The following PDE1C variants were observed in gnomAD, a reference collection of about 807,000 sequenced individuals.
The protein encoded by PDE1C is dual specificity calcium/calmodulin-dependent 3',5'-cyclic nucleotide phosphodiesterase 1C.
PDE1C carries 62 observed loss-of-function variants against 93.1 expected under a neutral mutation model. The observed-to-expected ratio is 0.67, with a 90% confidence interval of 0.54 to 0.82. The LOEUF (loss-of-function observed/expected upper bound fraction) is 0.82. PDE1C is among the 40% of genes least tolerant of loss of function. The probability of loss-of-function intolerance (pLI) is 0.00; values close to 1 mark genes in which losing one functional copy is unlikely to be tolerated. For missense variants in PDE1C, 742 were observed against 884.6 expected (o/e 0.84, Z 2.04); for synonymous variants, 325 against 310.1 (o/e 1.05, Z -0.50).
At chr7:31,832,627 T>G (rs187293977) in intron 11 of PDE1C, among the ~76,000 whole-genome samples, 1 of 152,328 alleles carries the variant, frequency 6.6e-6, no homozygotes, top group East Asian at 1.9e-4. Flanking sequence ...TTACTTACTA[T>G]AGCTTATGGC....
At chr7:32,071,921 G>A (rs1478906280), upstream of PDE1C, among the ~76,000 whole-genome samples, 1 of 152,070 alleles carries the variant, frequency 6.6e-6, no homozygotes, top group Non-Finnish European at 1.5e-5. Context: ...TTCAGGGTGG[G>A]GCATGCCCTA....
At chr7:32,423,460 C>T (rs1487733674) in intron 1 of PDE1C, among the ~76,000 whole-genome samples, 1 of 152,120 alleles carries the variant, frequency 6.6e-6, no homozygotes, top group African/African-American at 2.4e-5. Flanking sequence ...AGGAAGGACC[C>T]AAGATTGTGT....
At chr7:31,953,953 C>T (rs1208379967) in intron 2 of PDE1C, among the ~76,000 whole-genome samples, 1 of 152,136 alleles carries the variant, frequency 6.6e-6, no homozygotes, top group Non-Finnish European at 1.5e-5. Flanking sequence ...GGAAACTTTG[C>T]CATTTGAAAT....
chr7:31,831,930 C>A (rs919212779), intron 11 of PDE1C, among the ~76,000 whole-genome samples: 3 of 152,086 alleles, frequency 2.0e-5, no homozygotes, highest in Admixed American at 6.5e-5. Context: ...GGTGCCACTA[C>A]TAACAGAAAG....
intron 1 of PDE1C, among the ~76,000 whole-genome samples, chr7:32,069,887 T>TAA (rs1795824533): frequency 6.6e-6 from 1 of 152,174 alleles, no homozygotes; most frequent in Non-Finnish European, 1.5e-5. Context: ...GTTGGTAAGT[T>TAA]CTTGGACCAC....
the PDE1C span, among the ~76,000 whole-genome samples, chr7:31,694,387 A>AACACACACACACACAAACAC: frequency 3.5e-5 from 5 of 141,678 alleles, no homozygotes; most frequent in African/African-American, 1.0e-4. Context: ...CTCTCTCTCA[A>AACACACACACACACAAACAC]ACACACACAC....
chr7:31,668,825 T>C, the PDE1C span, among the ~76,000 whole-genome samples: 2 of 152,140 alleles, frequency 1.3e-5, no homozygotes, highest in South Asian at 4.1e-4. Context: ...GTATTGTTTA[T>C]AAATTATATC....
chr7:31,648,284 C>T, the PDE1C span, among the ~76,000 whole-genome samples: 3 of 151,990 alleles, frequency 2.0e-5, no homozygotes, highest in Admixed American at 2.0e-4. Flanking sequence ...TAGAGCAGAA[C>T]TTGCATTTGG....
At chr7:32,300,564 C>A (rs968288171), upstream of PDE1C, among the ~76,000 whole-genome samples, 3 of 152,146 alleles carry the variant, frequency 2.0e-5, no homozygotes, top group Non-Finnish European at 4.4e-5. Context: ...AGCTACATGG[C>A]CTTGACCTCC....
chr7:32,198,882 C>G (rs1804802430), intron 2 of PDE1C, among the ~76,000 whole-genome samples: 1 of 151,998 alleles, frequency 6.6e-6, no homozygotes, highest in South Asian at 2.1e-4. Context: ...TTTGGGAGGC[C>G]AAGGCAGGTG....
chr7:32,034,568 G>A (rs1162742077), intron 2 of PDE1C, among the ~76,000 whole-genome samples: 2 of 152,082 alleles, frequency 1.3e-5, no homozygotes, highest in South Asian at 2.1e-4. Context: ...GTGTGTTCAT[G>A]GTAGCTCCCA....
chr7:32,061,417 A>C (rs911129037), intron 1 of PDE1C, among the ~76,000 whole-genome samples: 4 of 152,248 alleles, frequency 2.6e-5, no homozygotes, highest in African/African-American at 9.6e-5. Context: ...CCAGGAGACA[A>C]GGCCCAGCCA....
At chr7:32,255,626 G>A (rs6977615) in intron 1 of PDE1C, among the ~76,000 whole-genome samples, 24,742 of 152,184 alleles carry the variant, frequency 0.16, 2,198 homozygotes, top group East Asian at 0.3. Context: ...AAGGATATTT[G>A]TCCTGCATGC....
chr7:32,397,461 A>T (rs922363580), intron 1 of PDE1C, among the ~76,000 whole-genome samples: 4 of 152,196 alleles, frequency 2.6e-5, no homozygotes, highest in Non-Finnish European at 4.4e-5. Flanking sequence ...GTTCTTATTC[A>T]TTGCTAGTGG....
chr7:31,739,200 G>GACACACAC, the PDE1C span, among the ~76,000 whole-genome samples: 18,295 of 142,952 alleles, frequency 0.13, 1,330 homozygotes, highest in Middle Eastern at 0.16. Context: ...GTAACTTTTA[G>GACACACAC]ACACACACAC....
intron 2 of PDE1C, among the ~76,000 whole-genome samples, chr7:31,898,089 A>G (rs892092135): frequency 1.3e-5 from 2 of 151,332 alleles, no homozygotes; most frequent in Non-Finnish European, 2.9e-5. Context: ...GTGAGATACA[A>G]ATAAAGTTTT....
At chr7:31,856,483 T>C (rs932564779) in intron 7 of PDE1C, among the ~76,000 whole-genome samples, 5 of 152,312 alleles carry the variant, frequency 3.3e-5, no homozygotes, top group East Asian at 1.9e-4. Flanking sequence ...ATAACTTGTA[T>C]TGGCATAAAT....
chr7:31,832,967 G>C (rs1351475932), intron 11 of PDE1C, among the ~76,000 whole-genome samples: 1 of 152,154 alleles, frequency 6.6e-6, no homozygotes, highest in East Asian at 1.9e-4. Context: ...TAGAGGGTTT[G>C]TTATGGTTTG....
At chr7:32,084,235 A>G (rs1226847954) in intron 3 of PDE1C, among the ~76,000 whole-genome samples, 1 of 152,104 alleles carries the variant, frequency 6.6e-6, no homozygotes, top group Non-Finnish European at 1.5e-5. Context: ...TAAACCAACA[A>G]AGATCAAAGG....
Sources: allele counts gnomAD v4.1 joint callset (sites outside exome capture counted in the v4.1 genomes callset), GRCh38; gene constraint gnomAD v4.1.1; transcripts MANE v1.5; gene names NCBI Gene and HGNC (gene_info 2026-07-23, HGNC 2026-07-21).